The following TPR variants were observed in gnomAD, a reference collection of about 807,000 sequenced individuals.
The protein encoded by TPR is translocated promoter region, nuclear basket protein.
A neutral mutation model predicts 316.1 loss-of-function variants in TPR; 51 were observed. That is an observed-to-expected ratio of 0.16 (90% confidence interval 0.13 to 0.20). The LOEUF (loss-of-function observed/expected upper bound fraction) is 0.20. Among genes scored for constraint, TPR ranks in the 10% least tolerant of loss-of-function variants. TPR has a pLI of 1.00. For missense variants in TPR, 2,272 were observed against 2,754.8 expected (o/e 0.82, Z 3.92); for synonymous variants, 981 against 914.7 (o/e 1.07, Z -1.31).
At chr1:186,314,335 T>TA (rs1334297616) in intron 50 of TPR, 2 of 388,138 alleles carry the variant, frequency 5.2e-6, no homozygotes, top group African/African-American at 4.1e-5. Context: ...TAGGTAGAGA[T>TA]ACAACAAATG....
intron 29 of TPR, among the ~76,000 whole-genome samples, chr1:186,340,146 A>C (rs1034835797): frequency 2.6e-5 from 4 of 152,218 alleles, no homozygotes; most frequent in African/African-American, 9.6e-5. Context: ...AATGCATTAC[A>C]AGTTAAACAC....
At chr1:186,365,275 T>C (rs1004665186) in intron 4 of TPR, among the ~76,000 whole-genome samples, 5 of 152,040 alleles carry the variant, frequency 3.3e-5, no homozygotes, top group African/African-American at 4.8e-5. Flanking sequence ...TTTGTATTTT[T>C]AGTAGAGATG....
chr1:186,347,246 T>C, intron 22 of TPR, 46 bp downstream of exon 22: 2 of 1,597,084 alleles, frequency 1.3e-6, no homozygotes, highest in Non-Finnish European at 1.7e-6. Flanking sequence ...AAAACAAAGT[T>C]AACAAATGTG....
chr1:186,317,535 T>C lies in TPR; in HGVS notation c.6887A>G (p.Asp2296Gly), dbSNP rs1248551430. ...GCTGGTGGAGGGGAGATCTGACTCA[T>C]CAGATGCTTGAACCGGCTCTTCTTC... is the stretch of plus-strand genomic sequence containing the variant. ...QQEEEPVQAS[D>G]ESDLPSTSQD... is the part of the protein sequence containing the mutation. Residue 2296 changes from aspartate to glycine, a missense_variant, in exon 49 of 51, where the codon GAT becomes GGT. Coordinates refer to ENST00000367478, the MANE Select transcript of TPR (RefSeq NM_003292.3). The C allele has an allele frequency of 2.5e-6, 4 of 1,614,162 alleles. No individual in the cohort carries two copies. Among genetic ancestry groups the C allele is most frequent in the Middle Eastern group, 1.7e-4 (1 of 6,060 alleles).
chr1:186,363,017 A>G lies in TPR; in HGVS notation c.532-16T>C. On this transcript the variant is annotated splice_polypyrimidine_tract_variant and intron_variant, in intron 5 of 50. Transcript: ENST00000367478. ...TTTCTCGATACTAAAGAAATCCAAG[A>G]AAATAACACGTACAGTTAAAGATGA... 6.3e-7 allele frequency: 1 copy of G among 1,588,786 alleles called. No individual in the cohort carries two copies. The highest frequency in any genetic ancestry group is 8.5e-7 in the Non-Finnish European group (1 of 1,174,464).
At position 186,373,379 on chromosome 1, in the gene TPR, C is replaced by T. The variant is rs746591879; in HGVS notation, c.236G>A (p.Arg79Gln). Reference sequence around the variant, plus strand: ...CTTACTGAGTTTCTCTAGCTCAAGCCGCAAGCTTTGACACTCTCGGGTTTC... The same window carrying T: ...CTTACTGAGTTTCTCTAGCTCAAGCTGCAAGCTTTGACACTCTCGGGTTTC... ...VNETRECQSL[R>Q]LELEKLNNQL... The change falls in exon 2 of 51, where the codon CGG (arginine) becomes CAG (glutamine). Residue 79 changes from arginine (R) to glutamine (Q), a missense_variant. By Grantham distance (43) the Arg-to-Gln change is conservative. Around this residue, in one of 10 missense-constraint regions of TPR, gnomAD observed 549 missense variants for 598.6 expected, o/e 0.92. Transcript: ENST00000367478. The T allele has an allele frequency of 2.6e-5, 42 of 1,612,982 alleles. No individual in the cohort carries two copies. Among genetic ancestry groups the T allele is most frequent in the African/African-American group, 5.3e-5 (4 of 74,850 alleles).
intron 45 of TPR, among the ~76,000 whole-genome samples, chr1:186,321,433 CTT>C (rs1397268585): frequency 6.6e-6 from 1 of 152,210 alleles, no homozygotes; most frequent in Non-Finnish European, 1.5e-5. Context: ...TAGCACAACA[CTT>C]AGCATAGCCT....
chr1:186,322,789 T>A (rs1657807961), intron 43 of TPR: 20 of 548,010 alleles, frequency 3.6e-5, no homozygotes, highest in Non-Finnish European at 3.9e-5. Context: ...TATTAACCAA[T>A]AAAAATCATT....
chr1:186,345,523 C>G, intron 24 of TPR, 57 bp downstream of exon 24: 2 of 1,361,584 alleles, frequency 1.5e-6, no homozygotes, highest in South Asian at 2.4e-5. Flanking sequence ...CATAAATATA[C>G]TTCAAGAATC....
intron 22 of TPR, 69 bp from the exon 23 acceptor site, chr1:186,346,356 A>C (rs1234584266): frequency 6.3e-6 from 9 of 1,418,522 alleles, no homozygotes; most frequent in African/African-American, 1.4e-5. Flanking sequence ...TATTTTCTCC[A>C]AATCAAAACT....
In TPR at chr1:186,332,200, T is replaced by C. The variant is rs781542103; in HGVS notation, c.5599A>G (p.Thr1867Ala). 1 of 1,607,934 alleles carries C rather than the reference T, an allele frequency of 6.2e-7. No individual in the cohort carries two copies. ...ACAGAAAGAACTTTACGCACCTCAG[T>C]TCCTACAGGTGTGACACTTTTCAAC... ...KKLKSVTPVG[T>A]EEEVMAEEST... The change falls in exon 38 of 51, where the codon ACT (threonine) becomes GCT (alanine). Residue 1867 changes from threonine (T) to alanine (A), a missense_variant. Coordinates refer to ENST00000367478, the MANE Select transcript of TPR (RefSeq NM_003292.3).
intron 4 of TPR, among the ~76,000 whole-genome samples, chr1:186,364,487 T>C (rs1659279630): frequency 6.6e-6 from 1 of 152,210 alleles, no homozygotes; most frequent in Non-Finnish European, 1.5e-5. Flanking sequence ...CTATCTCGCA[T>C]TGAAAATGCA....
intron 3 of TPR, among the ~76,000 whole-genome samples, chr1:186,368,237 T>G (rs574250177): frequency 6.6e-6 from 1 of 152,206 alleles, no homozygotes; most frequent in Non-Finnish European, 1.5e-5. Flanking sequence ...CCTAATAACT[T>G]AGAATATCAC....
At position 186,314,331 on chromosome 1, in the gene TPR, G is replaced by C. The variant is rs1230784308; in HGVS notation, c.7036+298C>G. ...ATTAACAATATAATGGCAATAGGTA[G>C]AGATACAACAAATGAATATAACACT... On this transcript the variant is annotated intron_variant, in intron 50 of 50. Transcript: ENST00000367478. 1.3e-5 allele frequency: 5 copies of C among 387,968 alleles called. No homozygotes were observed. The East Asian group carries it at 2.3e-4, about 18-fold the overall frequency. The allele number at this position is 387,968 out of a possible 1,614,324, so 24.0% of individuals were successfully genotyped here.
In TPR at chr1:186,370,888, T is replaced by C; in HGVS notation, c.330+82A>G. The C allele has an allele frequency of 4.1e-6, 5 of 1,214,924 alleles. No individual in the cohort carries two copies. In the South Asian group the frequency reaches 5.1e-5, roughly 12 times the overall value. 75.3% of individuals were successfully genotyped at this position (1,214,924 alleles called of 1,614,324 possible). On this transcript the variant is annotated intron_variant, in intron 3 of 50. Transcript: ENST00000367478. ...ACATCAGTTACATCTTCCCATTGACTAATAACTGATAAACAATCAGAATAG... is the reference window on the plus strand; with the variant it reads ...ACATCAGTTACATCTTCCCATTGACCAATAACTGATAAACAATCAGAATAG...
Position 186,341,284 on chromosome 1 carries a change from G to C in TPR, c.3856C>G (p.Leu1286Val). 1.2e-6 allele frequency: 2 copies of C among 1,613,944 alleles called. No individual in the cohort carries two copies. The change falls in exon 28 of 51, where the codon CTA becomes GTA. Residue 1286 changes from leucine to valine, a missense_variant. Coordinates refer to ENST00000367478, the MANE Select transcript of TPR (RefSeq NM_003292.3). The stretch of plus-strand genomic sequence containing the variant: ...TGCATTTGCTGTAGATCCTGTTCTA[G>C]TCTCTCCTTCTCTTCTCTTAGCATT... The part of the protein sequence containing the change: ...NKMLREEKER[L>V]EQDLQQMQAK...
intron 3 of TPR, among the ~76,000 whole-genome samples, chr1:186,370,441 C>T (rs1046965165): frequency 2.6e-5 from 4 of 152,134 alleles, no homozygotes; most frequent in East Asian, 3.9e-4. Flanking sequence ...AGGTATACTA[C>T]GAGGCTTTTT....
chr1:186,338,390 C>G, intron 30 of TPR, 147 bp from the exon 31 acceptor site: 1 of 639,608 alleles, frequency 1.6e-6, no homozygotes. Context: ...AAGGTAAGAC[C>G]TTACGAATTT....
At chr1:186,356,159 A>G in intron 15 of TPR, 127 bp downstream of exon 15, 1 of 777,386 alleles carries the variant, frequency 1.3e-6, no homozygotes, top group Non-Finnish European at 1.9e-6. Context: ...GGGATGTTAT[A>G]AGCAATTATA....
Sources: gnomAD v4.1 joint callset for allele counts (sites outside exome capture counted in the v4.1 genomes callset) on GRCh38, gnomAD v4.1.1 for gene constraint, gnomAD v4.1.1 regional missense constraint, MANE v1.5 for transcripts, NCBI Gene and HGNC (gene_info 2026-07-23, HGNC 2026-07-21) for gene names.